NEBL: variants seen among roughly 807,000 people sequenced by gnomAD.
NEBL encodes the protein LIM and SH3 protein 2.
A neutral mutation model predicts 140.2 loss-of-function variants in NEBL; 122 were observed. The observed-to-expected ratio is 0.87, with a 90% CI of 0.75 to 1.01. The LOEUF (loss-of-function observed/expected upper bound fraction) is 1.01, where lower values mean the gene tolerates loss of function less well. NEBL is among the 50% of genes least tolerant of loss of function. The pLI is 0.00. For synonymous variants in NEBL, 436 were observed against 398.9 expected (o/e 1.09, Z -1.11); for missense variants, 1,365 against 1,231.3 (o/e 1.11, Z -1.62).
At chr10:21,001,900 GTC>G (rs1377985167) in intron 3 of NEBL, among the ~76,000 whole-genome samples, 1 of 152,066 alleles carries the variant, frequency 6.6e-6, no homozygotes, top group Non-Finnish European at 1.5e-5. Flanking sequence ...AGCAAAACTG[GTC>G]TCTGTTTTTC....
intron 24 of NEBL, among the ~76,000 whole-genome samples, chr10:20,811,588 G>A (rs535645730): frequency 2.0e-5 from 3 of 152,284 alleles, no homozygotes; most frequent in East Asian, 1.9e-4. Context: ...TCCTTCTTCA[G>A]AAAATACTTC....
chr10:20,946,913 T>C (rs1835193713), intron 4 of NEBL, among the ~76,000 whole-genome samples: 1 of 152,108 alleles, frequency 6.6e-6, no homozygotes, highest in Non-Finnish European at 1.5e-5. Flanking sequence ...TAATAGCTAC[T>C]TCTGTGGAAC....
At chr10:20,798,285 T>G (rs1836773299) in intron 26 of NEBL, among the ~76,000 whole-genome samples, 1 of 152,126 alleles carries the variant, frequency 6.6e-6, no homozygotes, top group Non-Finnish European at 1.5e-5. Flanking sequence ...CACTGTATTA[T>G]TTCCAGCACG....
At chr10:20,859,856 C>T in intron 7 of NEBL, 30 bp from the exon 8 acceptor site, 2 of 1,057,100 alleles carry the variant, frequency 1.9e-6, no homozygotes, top group Non-Finnish European at 2.9e-6. Flanking sequence ...GTACATGTAA[C>T]TTTACATTTA....
chr10:20,799,260 A>G (rs1836864648), intron 26 of NEBL, among the ~76,000 whole-genome samples: 1 of 152,086 alleles, frequency 6.6e-6, no homozygotes, highest in African/African-American at 2.4e-5. Context: ...GGTTCAAGTG[A>G]TTCTCCTGCC....
intron 3 of NEBL, among the ~76,000 whole-genome samples, chr10:20,983,768 A>C (rs1837144499): frequency 6.6e-6 from 1 of 152,218 alleles, no homozygotes; most frequent in South Asian, 2.1e-4. Flanking sequence ...CCCTGGTATG[A>C]GAGTCTCCAG....
chr10:20,890,159 A>G (rs1382345707), intron 2 of NEBL, among the ~76,000 whole-genome samples: 1 of 152,164 alleles, frequency 6.6e-6, no homozygotes, highest in Non-Finnish European at 1.5e-5. Flanking sequence ...CATTCTTTAG[A>G]TAAGCGAGGG....
chr10:21,128,371 A>G (rs1456115615), intron 2 of NEBL, among the ~76,000 whole-genome samples: 1 of 152,132 alleles, frequency 6.6e-6, no homozygotes, highest in Non-Finnish European at 1.5e-5. Context: ...GTAAAAAAGG[A>G]GAAGAGGCTC....
At chr10:21,065,813 T>G (rs1298866651) in intron 2 of NEBL, among the ~76,000 whole-genome samples, 1 of 152,210 alleles carries the variant, frequency 6.6e-6, no homozygotes, top group South Asian at 2.1e-4. Context: ...TCACTCCATC[T>G]GGCACATCTT....
At chr10:21,099,696 A>G (rs1489847530) in intron 2 of NEBL, among the ~76,000 whole-genome samples, 1 of 152,148 alleles carries the variant, frequency 6.6e-6, no homozygotes, top group Admixed American at 6.6e-5. Flanking sequence ...CTTCCATTTT[A>G]TCTCCATGAA....
chr10:21,089,895 C>T (rs1564507467), intron 2 of NEBL, among the ~76,000 whole-genome samples: 1 of 152,220 alleles, frequency 6.6e-6, no homozygotes, highest in Non-Finnish European at 1.5e-5. Flanking sequence ...ATTTGTAGCA[C>T]TGTGCCTTCT....
intron 4 of NEBL, among the ~76,000 whole-genome samples, chr10:20,884,230 T>C (rs542166021): frequency 5.3e-5 from 8 of 152,354 alleles, no homozygotes; most frequent in South Asian, 4.1e-4. Context: ...ATAGATTTTT[T>C]TGGCATTTAC....
intron 2 of NEBL, among the ~76,000 whole-genome samples, chr10:21,028,737 A>T (rs1239442388): frequency 6.6e-6 from 1 of 152,112 alleles, no homozygotes; most frequent in African/African-American, 2.4e-5. Flanking sequence ...AAAATATCAA[A>T]TTTTTTAGAA....
At chr10:21,129,044 G>A (rs552115039) in intron 2 of NEBL, among the ~76,000 whole-genome samples, 3 of 152,282 alleles carry the variant, frequency 2.0e-5, no homozygotes, top group African/African-American at 7.2e-5. Context: ...CTAGAATTCT[G>A]TACCCTGCTA....
chr10:21,037,655 T>C (rs111995041), intron 2 of NEBL, among the ~76,000 whole-genome samples: 9 of 152,262 alleles, frequency 5.9e-5, no homozygotes, highest in African/African-American at 2.2e-4. Flanking sequence ...TCAAAACTCA[T>C]AGAATCATAT....
chr10:21,152,938 T>C (rs1840199901), intron 2 of NEBL, among the ~76,000 whole-genome samples: 1 of 152,230 alleles, frequency 6.6e-6, no homozygotes, highest in Non-Finnish European at 1.5e-5. Context: ...CACCACCTTA[T>C]GTACTTAGAA....
chr10:21,288,365 G>C (rs899991197), intron 1 of NEBL, among the ~76,000 whole-genome samples: 1 of 152,150 alleles, frequency 6.6e-6, no homozygotes, highest in Non-Finnish European at 1.5e-5. Context: ...CTACTTGGGA[G>C]GCTGAGGCAG....
intron 4 of NEBL, among the ~76,000 whole-genome samples, chr10:20,908,377 G>C (rs919715933): frequency 1.3e-5 from 2 of 152,186 alleles, no homozygotes; most frequent in Non-Finnish European, 2.9e-5. Context: ...CATTACGGAT[G>C]CTTATATAAA....
intron 11 of NEBL, among the ~76,000 whole-genome samples, chr10:20,850,077 A>G (rs990495370): frequency 3.9e-5 from 6 of 152,224 alleles, no homozygotes; most frequent in Non-Finnish European, 8.8e-5. Flanking sequence ...ATAGTTTTAC[A>G]TTAATATCTG....
Sources: gnomAD v4.1 joint callset for allele counts (sites outside exome capture counted in the v4.1 genomes callset) on GRCh38, gnomAD v4.1.1 for gene constraint, MANE v1.5 for transcripts, NCBI Gene and HGNC (gene_info 2026-07-23, HGNC 2026-07-21) for gene names.